The following LNX1 variants were observed in gnomAD, a reference collection of about 807,000 sequenced individuals.
LNX1 encodes E3 ubiquitin-protein ligase LNX.
In LNX1, 54 loss-of-function variants were observed where a neutral mutation model predicts 68.4. That is an observed-to-expected ratio of 0.79 (90% CI 0.63 to 0.99). The LOEUF (loss-of-function observed/expected upper bound fraction) is 0.99. Among genes scored for constraint, LNX1 ranks in the 50% least tolerant of loss-of-function variants. LNX1 has a pLI of 0.00. For synonymous variants in LNX1, 336 were observed against 350.0 expected (o/e 0.96, Z 0.45); for missense variants, 906 against 926.4 (o/e 0.98, Z 0.29).
chr4:53,488,014 C>T (rs1560622679), intron 6 of LNX1, among the ~76,000 whole-genome samples: 1 of 152,150 alleles, frequency 6.6e-6, no homozygotes, highest in Non-Finnish European at 1.5e-5. Context: ...CTCACAAAGC[C>T]CTGGGAAATT....
At chr4:53,635,300 C>G (rs184929206) in intron 1 of LNX1, among the ~76,000 whole-genome samples, 10 of 152,326 alleles carry the variant, frequency 6.6e-5, no homozygotes, top group Admixed American at 1.3e-4. Flanking sequence ...GTTGTTTGAA[C>G]TAGATCCCCC....
chr4:53,508,181 G>T lies in LNX1; in HGVS notation c.427C>A (p.Arg143Ser). 1 of 1,614,150 alleles carries T rather than the reference G, an allele frequency of 6.2e-7. No homozygotes were observed. The highest frequency in any genetic ancestry group is 8.5e-7 in the Non-Finnish European group (1 of 1,179,992). Residue 143 changes from arginine to serine, a missense_variant, in exon 3 of 11, where the codon CGC becomes AGC. Coordinates refer to ENST00000263925, the MANE Select transcript of LNX1 (RefSeq NM_001126328.3). ...CCGTCTGGACAGCCATCTTGTGAGCGCCTCTTCCTATCTTTGGTCAGGCCG... is the reference window on the plus strand; with the variant it reads ...CCGTCTGGACAGCCATCTTGTGAGCTCCTCTTCCTATCTTTGGTCAGGCCG... ...HYGLTKDRKR[R>S]SQDGCPDGCA...
chr4:53,498,500 G>T, intron 5 of LNX1, 141 bp downstream of exon 5: 1 of 642,542 alleles, frequency 1.6e-6, no homozygotes. Flanking sequence ...AAATCTCAGA[G>T]AGTCATAAAA....
In LNX1 at chr4:53,551,540, G is replaced by A. The variant is rs374924313; in HGVS notation, c.380+22083C>T. On this transcript the variant is annotated intron_variant, in intron 2 of 10. Coordinates refer to ENST00000263925, the MANE Select transcript of LNX1 (RefSeq NM_001126328.3). ...GGAGAAAAAGCCCTCAAGTGAGCAC[G>A]TACACAACTTCAGTAAACACACTGC... Among the ~76,000 whole-genome samples the A allele has an allele frequency of 9.9e-5, 15 of 152,234 alleles. No homozygotes were observed. The East Asian group carries it at 1.7e-3, about 18-fold the overall frequency.
intron 1 of LNX1, among the ~76,000 whole-genome samples, chr4:53,626,610 G>A (rs928962731): frequency 2.0e-5 from 3 of 152,156 alleles, no homozygotes; most frequent in Non-Finnish European, 4.4e-5. Context: ...CCTTATGAAT[G>A]CTGACAAAAT....
intron 9 of LNX1, among the ~76,000 whole-genome samples, chr4:53,463,345 T>A (rs1309816230): frequency 6.6e-6 from 1 of 152,112 alleles, no homozygotes; most frequent in Non-Finnish European, 1.5e-5. Flanking sequence ...GATATCAGTG[T>A]TCCTAGTTTT....
Position 53,459,874 on chromosome 4 carries a change from T to TTA in LNX1, c.*1031_*1032dup, listed in dbSNP as rs1721487925. On this transcript the variant is annotated 3_prime_UTR_variant, in exon 11 of 11. Coordinates refer to ENST00000263925, the MANE Select transcript of LNX1 (RefSeq NM_001126328.3). ...TAAGGCTTGAGATTAAAACTAGTCT[T>TTA]TATCATTACTGCTGTGACACTCTTG... is the stretch of plus-strand genomic sequence containing the variant. 4.2e-6 allele frequency: 1 copy of TTA among 236,422 alleles called. No individual in the cohort carries two copies. The highest frequency in any genetic ancestry group is 5.3e-5 in the Admixed American group (1 of 18,722). The allele number at this position is 236,422 out of a possible 1,614,324, so 14.6% of individuals were successfully genotyped here.
At position 53,461,319 on chromosome 4, in the gene LNX1, T is replaced by C. The variant is rs535989187; in HGVS notation, c.2051+116A>G. 1.0e-5 allele frequency: 9 copies of C among 863,920 alleles called. No individual in the cohort carries two copies. In the East Asian group the frequency reaches 2.0e-4, roughly 19 times the overall value. 53.5% of individuals were successfully genotyped at this position (863,920 alleles called of 1,614,324 possible). A position where few individuals can be genotyped will look rare whatever the true frequency, so the allele number is the denominator to read the frequency against. On this transcript the variant is annotated intron_variant, in intron 10 of 10. Transcript: ENST00000263925. ...TCTCAGAAGTTGAATGCTACGTACA[T>C]ACTTTTAATCCCCACAAAGTATAAT...
intron 2 of LNX1, among the ~76,000 whole-genome samples, chr4:53,565,322 T>G (rs1730587919): frequency 6.6e-6 from 1 of 152,012 alleles, no homozygotes; most frequent in African/African-American, 2.4e-5. Context: ...GACTCCCTCC[T>G]CAAGTGGGTC....
intron 9 of LNX1, among the ~76,000 whole-genome samples, chr4:53,472,692 AAAAAAAAC>A (rs1200059416): frequency 5.4e-4 from 75 of 138,894 alleles, no homozygotes; most frequent in African/African-American, 1.7e-3. Flanking sequence ...CAACAAAAAA[AAAAAAAAC>A]AAAAAACAAT....
chr4:53,507,050 A>C lies in LNX1; in HGVS notation c.775+267T>G, dbSNP rs1467100160. Among the ~76,000 whole-genome samples, 3 of 152,034 alleles carry C rather than the reference A, an allele frequency of 2.0e-5. No homozygotes were observed. The East Asian group carries it at 5.8e-4, about 29-fold the overall frequency. The stretch of plus-strand genomic sequence containing the variant: ...TTTAAATGTTTTTCACTCATTAATT[A>C]TAATTATTCTTCCTCATATGCATAA... On this transcript the variant is annotated intron_variant, in intron 4 of 10. Coordinates refer to ENST00000263925, the MANE Select transcript of LNX1 (RefSeq NM_001126328.3).
rs574697950 is a variant in LNX1 at position 53,644,411 on chromosome 4, C to T, written c.-215+7757G>A. Among the ~76,000 whole-genome samples the T allele has an allele frequency of 5.3e-5, 8 of 151,954 alleles. No homozygotes were observed. The East Asian group carries it at 1.4e-3, about 26-fold the overall frequency. The stretch of plus-strand genomic sequence containing the variant: ...AGTGAGAGTCTATCTCAAAACAAAA[C>T]GAACAAACAAAAACAAAACAAACAA... On this transcript the variant is annotated intron_variant, in intron 1 of 2. Transcript: ENST00000507168.
At chr4:53,534,146 C>T (rs911567494) in intron 2 of LNX1, among the ~76,000 whole-genome samples, 2 of 152,166 alleles carry the variant, frequency 1.3e-5, no homozygotes, top group Non-Finnish European at 2.9e-5. Context: ...GCCCAGTTAC[C>T]CCATGGAGAA....
intron 2 of LNX1, among the ~76,000 whole-genome samples, chr4:53,528,421 T>A (rs1176435543): frequency 6.6e-6 from 1 of 152,200 alleles, no homozygotes; most frequent in Non-Finnish European, 1.5e-5. Context: ...CATGTGGGCA[T>A]TTTATCACCT....
At chr4:53,468,317 T>A (rs1006963391) in intron 9 of LNX1, among the ~76,000 whole-genome samples, 1 of 152,160 alleles carries the variant, frequency 6.6e-6, no homozygotes, top group African/African-American at 2.4e-5. Context: ...CCACCAGGCC[T>A]GCCCTAAAAG....
At chr4:53,559,799 C>A (rs555863541) in intron 2 of LNX1, among the ~76,000 whole-genome samples, 1 of 149,920 alleles carries the variant, frequency 6.7e-6, no homozygotes, top group Non-Finnish European at 1.5e-5. Flanking sequence ...AGGTGCGTGC[C>A]GCCATGCCTG....
At chr4:53,579,315 G>A in intron 1 of LNX1, 1 of 968,384 alleles carries the variant, frequency 1.0e-6, no homozygotes, top group Non-Finnish European at 1.2e-6. Context: ...GGTGCCTTAG[G>A]AATCACCCTT....
chr4:53,577,293 T>G (rs1294954057), intron 1 of LNX1, among the ~76,000 whole-genome samples: 1 of 152,248 alleles, frequency 6.6e-6, no homozygotes, highest in Non-Finnish European at 1.5e-5. Context: ...CTTTTAAAGC[T>G]TCTCTGTAGT....
intron 1 of LNX1, among the ~76,000 whole-genome samples, chr4:53,589,127 C>T (rs1001244962): frequency 6.6e-6 from 1 of 152,208 alleles, no homozygotes; most frequent in Non-Finnish European, 1.5e-5. Context: ...AAAGAACTCT[C>T]TGCCAAGTCA....
Sources: allele counts gnomAD v4.1 joint callset (sites outside exome capture counted in the v4.1 genomes callset), GRCh38; gene constraint gnomAD v4.1.1; transcripts MANE v1.5; gene names NCBI Gene and HGNC (gene_info 2026-07-23, HGNC 2026-07-21).